Variants in RAB40C observed in about 807,000 individuals in gnomAD.
RAB40C encodes ras-related protein Rab-40C.
RAB40C carries 8 observed loss-of-function variants against 28.1 expected under a neutral mutation model. The observed-to-expected ratio is 0.28, with a 90% CI of 0.17 to 0.51. The LOEUF (loss-of-function observed/expected upper bound fraction) is 0.51, where lower values mean the gene tolerates loss of function less well. Ranked by LOEUF, RAB40C falls within the 20% of genes least tolerant of loss-of-function variation. The probability of loss-of-function intolerance (pLI) is 0.97; values close to 1 mark genes in which losing one functional copy is unlikely to be tolerated. For synonymous variants in RAB40C, 201 were observed against 171.7 expected (o/e 1.17, Z -1.34); for missense variants, 288 against 405.9 (o/e 0.71, Z 2.50).
chr16:602,620 A>T (rs967153031), intron 1 of RAB40C, among the ~76,000 whole-genome samples: 3 of 151,856 alleles, frequency 2.0e-5, no homozygotes, highest in African/African-American at 7.3e-5. Context: ...TTTAGTAGAG[A>T]TGAGGTTTCA....
rs560363128 is a variant in RAB40C, at chr16:590,594, C to T, written c.142+161C>T. ...CGGTAGCTCGGTGGCTGCGGGGTGCCCGTGCTCCAGTCCCGAGGTGACGCC... is the reference window on the plus strand; with the variant it reads ...CGGTAGCTCGGTGGCTGCGGGGTGCTCGTGCTCCAGTCCCGAGGTGACGCC... On this transcript the variant is annotated intron_variant, in intron 1 of 5. Transcript: ENST00000248139. Among the ~76,000 whole-genome samples the T allele has an allele frequency of 2.6e-5, 4 of 152,268 alleles. No homozygotes were observed. The East Asian group carries it at 7.7e-4, about 29-fold the overall frequency.
chr16:622,810 G>A (rs1211440779), intron 3 of RAB40C, among the ~76,000 whole-genome samples: 2 of 152,146 alleles, frequency 1.3e-5, no homozygotes, highest in African/African-American at 2.4e-5. Context: ...GGCCGAAGTC[G>A]CTAGTTTTTT....
At chr16:608,301 A>G (rs970983473) in intron 1 of RAB40C, among the ~76,000 whole-genome samples, 1 of 152,316 alleles carries the variant, frequency 6.6e-6, no homozygotes, top group South Asian at 2.1e-4. Flanking sequence ...AACCACCCCC[A>G]TGATTTAATT....
chr16:613,950 G>C lies in RAB40C; in HGVS notation c.143-3258G>C, dbSNP rs2151073212. Among the ~76,000 whole-genome samples, 2 of 152,322 alleles carry C rather than the reference G, an allele frequency of 1.3e-5. 1 individual carries two copies. Among genetic ancestry groups the C allele is most frequent in the South Asian group, 4.1e-4 (2 of 4,826 alleles). On this transcript the variant is annotated intron_variant, in intron 1 of 5. Coordinates refer to ENST00000248139, the MANE Select transcript of RAB40C (RefSeq NM_021168.5). ...TGACGCAGCTTCACACGCAGCTCGGGAAGCACACAGTCGGCGCAGATGCTT... is the reference window on the plus strand; with the variant it reads ...TGACGCAGCTTCACACGCAGCTCGGCAAGCACACAGTCGGCGCAGATGCTT...
At chr16:613,217 C>T (rs1297860488) in intron 1 of RAB40C, among the ~76,000 whole-genome samples, 3 of 149,228 alleles carry the variant, frequency 2.0e-5, no homozygotes, top group African/African-American at 5.0e-5. Context: ...CAGGGACAGC[C>T]GCCCTGGCCT....
At chr16:614,307 T>C (rs2036542564) in intron 1 of RAB40C, among the ~76,000 whole-genome samples, 1 of 138,282 alleles carries the variant, frequency 7.2e-6, no homozygotes, top group Non-Finnish European at 1.6e-5. Flanking sequence ...CTGCTAACTC[T>C]GCCACATCCC....
chr16:603,884 C>G (rs1484459920), intron 1 of RAB40C, among the ~76,000 whole-genome samples: 1 of 152,126 alleles, frequency 6.6e-6, no homozygotes, highest in Non-Finnish European at 1.5e-5. Flanking sequence ...AGTTTTGAAA[C>G]TTATTCATGA....
At chr16:596,176 G>A (rs753098727) in intron 1 of RAB40C, 46 of 399,870 alleles carry the variant, frequency 1.2e-4, no homozygotes, top group Admixed American at 7.3e-4. Flanking sequence ...TCGAGCACAC[G>A]TGTTGTGGCC....
At chr16:622,442 G>A (rs1018144977) in intron 3 of RAB40C, among the ~76,000 whole-genome samples, 4 of 152,200 alleles carry the variant, frequency 2.6e-5, no homozygotes, top group African/African-American at 7.2e-5. Context: ...CTGTCAGGGC[G>A]GCTCCTAGAG....
Position 627,520 on chromosome 16 carries a change from GGGC to G in RAB40C, c.751_753del (p.Gly251del). ...CCTACTCCCTGGCCAGCGGGGCCGGGGGCGGCGGCAGCAAGGGCAACAGCCTCA... is the reference window on the plus strand; with the variant it reads ...CCTACTCCCTGGCCAGCGGGGCCGGGGGCGGCAGCAAGGGCAACAGCCTCA... On this transcript the variant is annotated inframe_deletion, in exon 6 of 6. Transcript: ENST00000248139. 1 of 1,613,706 alleles carries G rather than the reference GGGC, an allele frequency of 6.2e-7. No homozygotes were observed. Among genetic ancestry groups the G allele is most frequent in the Non-Finnish European group, 8.5e-7 (1 of 1,179,998 alleles).
chr16:594,592 A>G (rs535727564), intron 1 of RAB40C, among the ~76,000 whole-genome samples: 16 of 152,216 alleles, frequency 1.1e-4, no homozygotes, highest in African/African-American at 3.1e-4. Context: ...TCCAGGGGAC[A>G]CTATCTTGAG....
At position 625,815 on chromosome 16, in the gene RAB40C, C is replaced by T. The variant is rs2036817229; in HGVS notation, c.343-84C>T. 3 of 1,323,864 alleles carry T rather than the reference C, an allele frequency of 2.3e-6. 1 individual carries two copies. In the South Asian group the frequency reaches 4.1e-5, roughly 18 times the overall value. 82.0% of individuals were successfully genotyped at this position (1,323,864 alleles called of 1,614,324 possible). ...CCCACGGCCCTCACCCCATCATAGT[C>T]CAGACAATGAGGGCGGGCCCTGCTG... On this transcript the variant is annotated intron_variant, in intron 4 of 5. Transcript: ENST00000248139.
intron 3 of RAB40C, among the ~76,000 whole-genome samples, chr16:622,250 A>G (rs1405303090): frequency 6.6e-6 from 1 of 152,194 alleles, no homozygotes; most frequent in African/African-American, 2.4e-5. Flanking sequence ...AAACGTGCTC[A>G]GATGCATATT....
chr16:591,836 C>T (rs1049200427), intron 1 of RAB40C, among the ~76,000 whole-genome samples: 1 of 152,210 alleles, frequency 6.6e-6, no homozygotes, highest in Non-Finnish European at 1.5e-5. Context: ...ACCTCATGAT[C>T]TGCCCACCTC....
rs956197506 is a variant in RAB40C at position 628,374 on chromosome 16, C to G, written c.*752C>G. ...TGACCACTCAAAACTCAGATCATCT[C>G]GCCCACCCTGGAGAGTGCAGAGCTA... On this transcript the variant is annotated 3_prime_UTR_variant, in exon 6 of 6. Coordinates refer to ENST00000248139, the MANE Select transcript of RAB40C (RefSeq NM_021168.5). 6.6e-6 allele frequency: 1 copy of G among 152,296 alleles called. No individual in the cohort carries two copies. Among genetic ancestry groups the G allele is most frequent in the Admixed American group, 6.5e-5 (1 of 15,290 alleles). 9.4% of individuals were successfully genotyped at this position (152,296 alleles called of 1,614,324 possible).
At chr16:618,837 A>T (rs534995963) in intron 3 of RAB40C, among the ~76,000 whole-genome samples, 21 of 114,154 alleles carry the variant, frequency 1.8e-4, no homozygotes, top group South Asian at 3.6e-4. Flanking sequence ...GCACTCGGCC[A>T]TGTGTATGTG....
rs1032012305 is a variant in RAB40C at position 610,073 on chromosome 16, C to T, written c.143-7135C>T. Among the ~76,000 whole-genome samples, 1 of 152,216 alleles carries T rather than the reference C, an allele frequency of 6.6e-6. No homozygotes were observed. Among genetic ancestry groups the T allele is most frequent in the Non-Finnish European group, 1.5e-5 (1 of 68,034 alleles). On this transcript the variant is annotated intron_variant, in intron 1 of 5. Coordinates refer to ENST00000248139, the MANE Select transcript of RAB40C (RefSeq NM_021168.5). This position sits in a 1 kb window ranked among gnomAD's most constrained non-coding sequence, Gnocchi z 4.6. ...GGCCAGGGCCAGATGTAGCCTCATA[C>T]CAGCCCAGCTGGGAGTCCGCTTGCT...
Position 590,105 on chromosome 16 carries a change from G to GGCGGCGAGGCTGAGGT in RAB40C, c.-183_-168dup. The GGCGGCGAGGCTGAGGT allele has an allele frequency of 5.7e-6, 1 of 175,998 alleles. No individual in the cohort carries two copies. Among genetic ancestry groups the GGCGGCGAGGCTGAGGT allele is most frequent in the African/African-American group, 2.4e-5 (1 of 40,998 alleles). 10.9% of individuals were successfully genotyped at this position (175,998 alleles called of 1,614,324 possible). A position where few individuals can be genotyped will look rare whatever the true frequency, so the allele number is the denominator to read the frequency against. On this transcript the variant is annotated 5_prime_UTR_variant, in exon 1 of 6. Transcript: ENST00000248139. The stretch of plus-strand genomic sequence containing the variant: ...CTGGTGGTGCGGGAAGCGGCGGGGC[G>GGCGGCGAGGCTGAGGT]GCGGCGAGGCTGAGGTGCGCCCGGG...
At position 590,473 on chromosome 16, in the gene RAB40C, C is replaced by G. The variant is rs780203124; in HGVS notation, c.142+40C>G. The G allele has an allele frequency of 5.4e-6, 8 of 1,492,848 alleles. No individual in the cohort carries two copies. The African/African-American group carries it at 1.0e-4, about 19-fold the overall frequency. 92.5% of individuals were successfully genotyped at this position (1,492,848 alleles called of 1,614,324 possible). Reference sequence around the variant, plus strand: ...GCGGCGCGCGCTGCTACGCGGGGCCCGAGCCCGGCGAGCTGGGCACGGAGC... The same window carrying G: ...GCGGCGCGCGCTGCTACGCGGGGCCGGAGCCCGGCGAGCTGGGCACGGAGC... On this transcript the variant is annotated intron_variant, in intron 1 of 5. Coordinates refer to ENST00000248139, the MANE Select transcript of RAB40C (RefSeq NM_021168.5).
Sources: gnomAD v4.1 joint callset for allele counts (sites outside exome capture counted in the v4.1 genomes callset) on GRCh38, gnomAD v4.1.1 for gene constraint, Gnocchi (gnomAD v3.1) non-coding constraint, MANE v1.5 for transcripts, NCBI Gene and HGNC (gene_info 2026-07-23, HGNC 2026-07-21) for gene names.